Variants in DIP2A observed in about 807,000 individuals in gnomAD.
DIP2A encodes DIP2 acetate--CoA ligase A.
Under a neutral mutation model 177.4 loss-of-function variants are expected in DIP2A, and 85 were observed. The ratio of observed to expected loss-of-function variants is 0.48; its 90% CI spans 0.40 to 0.57. The LOEUF (loss-of-function observed/expected upper bound fraction) is 0.57, where lower values mean the gene tolerates loss of function less well. Among genes scored for constraint, DIP2A ranks in the 20% least tolerant of loss-of-function variants. The probability of loss-of-function intolerance (pLI) is 0.00; values close to 1 mark genes in which losing one functional copy is unlikely to be tolerated. For synonymous variants in DIP2A, 886 were observed against 881.8 expected (o/e 1.00, Z -0.08); for missense variants, 1,791 against 2,100.2 (o/e 0.85, Z 2.88).
At chr21:46,558,432 T>C (rs1384551894) in intron 32 of DIP2A, 39 bp downstream of exon 32, 6 of 1,546,944 alleles carry the variant, frequency 3.9e-6, no homozygotes, top group Non-Finnish European at 5.2e-6. Context: ...AAGCTGGCTG[T>C]TGGCAGCATG....
intron 1 of DIP2A, among the ~76,000 whole-genome samples, chr21:46,484,032 T>C (rs1404998062): frequency 6.6e-6 from 1 of 152,202 alleles, no homozygotes; most frequent in East Asian, 1.9e-4. Flanking sequence ...CTGTTTTTCC[T>C]TATGATAATT....
intron 1 of DIP2A, among the ~76,000 whole-genome samples, chr21:46,468,409 G>A (rs1332562818): frequency 9.4e-6 from 1 of 106,894 alleles, no homozygotes; most frequent in Non-Finnish European, 1.9e-5. Context: ...ATGATACCCT[G>A]TCTAAAAAAA....
chr21:46,497,093 C>T lies in DIP2A; in HGVS notation c.389C>T (p.Thr130Ile). Residue 130 changes from threonine (T) to isoleucine (I), a missense_variant, in exon 4 of 38, where the codon ACC becomes ATC. Physicochemically the swap from Thr to Ile is moderately conservative, Grantham distance 89 (BLOSUM62 -1). Transcript: ENST00000417564. The part of the protein sequence containing the change: ...RSVLVHSSVE[T>I]YTPPDTSSAS... Reference sequence around the variant, plus strand: ...GTCCTTGTGCATTCGTCTGTGGAAACCTACACCCCTCCAGGTATTGATAAA... The same window carrying T: ...GTCCTTGTGCATTCGTCTGTGGAAATCTACACCCCTCCAGGTATTGATAAA... The T allele has an allele frequency of 6.2e-7, 1 of 1,612,852 alleles. No homozygotes were observed.
rs1215713926 is a variant in DIP2A, at chr21:46,538,538, G to T, written c.1857G>T (p.Arg619=). The T allele has an allele frequency of 3.8e-6, 6 of 1,562,958 alleles. No individual in the cohort carries two copies. The Admixed American group carries it at 1.1e-4, about 29-fold the overall frequency. Residue 619 remains arginine, a synonymous_variant, in exon 16 of 38, where the codon CGG becomes CGT. Transcript: ENST00000417564. ...TGCACTGGTCTCTCCTAGCTCAGCG[G>T]GGCCAGAGGGACGTCAGCCTCAGCT... ...RDMHWSLLAQ[R]GQRDVSLSSL... is the part of the protein sequence containing the mutation.
chr21:46,582,200 A>G, the DIP2A span, among the ~76,000 whole-genome samples: 26 of 152,252 alleles, frequency 1.7e-4, no homozygotes, highest in East Asian at 1.4e-3. Context: ...TCTGGGTCCC[A>G]CCTAAAGCAG....
chr21:46,479,630 A>T (rs949125319), intron 1 of DIP2A, among the ~76,000 whole-genome samples: 1 of 152,136 alleles, frequency 6.6e-6, no homozygotes, highest in African/African-American at 2.4e-5. Context: ...GGCTCAAGCA[A>T]TCTTCTCACC....
At chr21:46,516,406 G>T (rs1434961036) in intron 8 of DIP2A, among the ~76,000 whole-genome samples, 4 of 141,242 alleles carry the variant, frequency 2.8e-5, no homozygotes, top group Non-Finnish European at 3.1e-5. Flanking sequence ...TTTATATTTT[G>T]CATTCTTTCT....
intron 13 of DIP2A, among the ~76,000 whole-genome samples, chr21:46,536,772 C>T (rs185718346): frequency 2.3e-4 from 35 of 152,066 alleles, no homozygotes; most frequent in African/African-American, 5.5e-4. Context: ...GGCATGGCAG[C>T]GCATGCCTGT....
intron 1 of DIP2A, among the ~76,000 whole-genome samples, chr21:46,470,422 C>T (rs564281389): frequency 8.4e-4 from 125 of 148,756 alleles, no homozygotes; most frequent in African/African-American, 2.9e-3. Flanking sequence ...TGCGGTGAGC[C>T]GAGATCGTGC....
At chr21:46,517,694 C>G (rs765002364) in intron 8 of DIP2A, among the ~76,000 whole-genome samples, 5 of 152,270 alleles carry the variant, frequency 3.3e-5, no homozygotes, top group African/African-American at 9.6e-5. Context: ...CTGCTGCACA[C>G]AGCCAGAGGA....
chr21:46,529,606 A>G (rs1465871408), intron 9 of DIP2A, among the ~76,000 whole-genome samples: 2 of 115,958 alleles, frequency 1.7e-5, no homozygotes, highest in Non-Finnish European at 3.6e-5. Flanking sequence ...TCTCAAAGAG[A>G]AAAAAAAAAA....
intron 22 of DIP2A, 32 bp downstream of exon 22, chr21:46,549,917 G>C: frequency 6.2e-7 from 1 of 1,606,228 alleles, no homozygotes; most frequent in Non-Finnish European, 8.5e-7. Flanking sequence ...ATGGTTCGGT[G>C]AATCTCCCAA....
At chr21:46,561,561 G>A in intron 33 of DIP2A, 187 bp from the exon 34 acceptor site, 1 of 759,074 alleles carries the variant, frequency 1.3e-6, no homozygotes, top group Non-Finnish European at 2.3e-6. Flanking sequence ...GCGGGTGGCG[G>A]CACTTGGGAC....
At chr21:46,485,978 G>A (rs2056657542) in intron 2 of DIP2A, among the ~76,000 whole-genome samples, 1 of 148,942 alleles carries the variant, frequency 6.7e-6, no homozygotes, top group Non-Finnish European at 1.5e-5. Context: ...GGCTGAGACA[G>A]GAGAATCACT....
Position 46,556,255 on chromosome 21 carries a change from T to A in DIP2A, c.3498+164T>A. On this transcript the variant is annotated intron_variant, in intron 29 of 37. Coordinates refer to ENST00000417564, the MANE Select transcript of DIP2A (RefSeq NM_015151.4). This position sits in a 1 kb window ranked among gnomAD's most constrained non-coding sequence, Gnocchi z 4.5. Reference sequence around the variant, plus strand: ...TGTTAAATACCAATAAATGCTAAGATGTGATTAGCCTGAGAGTAATGCGTT... The same window carrying A: ...TGTTAAATACCAATAAATGCTAAGAAGTGATTAGCCTGAGAGTAATGCGTT... 1 of 1,436,118 alleles carries A rather than the reference T, an allele frequency of 7.0e-7. No homozygotes were observed. The highest frequency in any genetic ancestry group is 9.6e-7 in the Non-Finnish European group (1 of 1,043,838). The allele number at this position is 1,436,118 out of a possible 1,614,324, so 89.0% of individuals were successfully genotyped here.
At chr21:46,479,875 T>C (rs1433976054) in intron 1 of DIP2A, among the ~76,000 whole-genome samples, 2 of 152,176 alleles carry the variant, frequency 1.3e-5, no homozygotes, top group Non-Finnish European at 2.9e-5. Flanking sequence ...TCTACTTTTG[T>C]GTATTAGATC....
chr21:46,516,674 T>C (rs1417589166), intron 8 of DIP2A, among the ~76,000 whole-genome samples: 1 of 151,732 alleles, frequency 6.6e-6, no homozygotes, highest in African/African-American at 2.4e-5. Flanking sequence ...TTTGTGTTTT[T>C]AGTAGAGACA....
At chr21:46,549,170 A>G (rs1260943276) in intron 21 of DIP2A, among the ~76,000 whole-genome samples, 1 of 152,156 alleles carries the variant, frequency 6.6e-6, no homozygotes, top group East Asian at 1.9e-4. Context: ...AGTCAAAGGA[A>G]AGGACAAGAG....
intron 18 of DIP2A, 90 bp downstream of exon 18, chr21:46,541,985 T>G: frequency 1.3e-6 from 2 of 1,531,182 alleles, no homozygotes; most frequent in Non-Finnish European, 1.8e-6. Context: ...AGTCTTGCTT[T>G]GTCACCAGGC....
Sources: allele counts gnomAD v4.1 joint callset (sites outside exome capture counted in the v4.1 genomes callset), GRCh38; gene constraint gnomAD v4.1.1; non-coding constraint Gnocchi (gnomAD v3.1); transcripts MANE v1.5; gene names NCBI Gene and HGNC (gene_info 2026-07-23, HGNC 2026-07-21).